IQGAP1: variants seen among roughly 807,000 people sequenced by gnomAD.
The protein encoded by IQGAP1 is IQ motif containing GTPase activating protein 1, also known as ras GTPase-activating-like protein IQGAP1.
A neutral mutation model predicts 215.6 loss-of-function variants in IQGAP1; 66 were observed. The ratio of observed to expected loss-of-function variants is 0.31; its 90% confidence interval spans 0.25 to 0.38. The LOEUF (loss-of-function observed/expected upper bound fraction) is 0.38. IQGAP1 is among the 10% of genes least tolerant of loss of function. IQGAP1 has a pLI of 1.00. For missense variants in IQGAP1, 1,712 were observed against 1,997.1 expected (o/e 0.86, Z 2.72); for synonymous variants, 772 against 728.7 (o/e 1.06, Z -0.96).
At chr15:90,456,859 G>A (rs1183187326) in intron 15 of IQGAP1, among the ~76,000 whole-genome samples, 1 of 150,080 alleles carries the variant, frequency 6.7e-6, no homozygotes, top group Non-Finnish European at 1.5e-5. Context: ...CTGCACTCCA[G>A]TCTGGGGGAC....
intron 14 of IQGAP1, among the ~76,000 whole-genome samples, chr15:90,455,305 G>A (rs979473768): frequency 6.6e-6 from 1 of 152,134 alleles, no homozygotes; most frequent in African/African-American, 2.4e-5. Context: ...GAGAATGGGA[G>A]GCCAGGCTGG....
intron 2 of IQGAP1, among the ~76,000 whole-genome samples, chr15:90,404,995 T>C (rs1038059216): frequency 6.6e-6 from 1 of 152,244 alleles, no homozygotes; most frequent in Non-Finnish European, 1.5e-5. Context: ...AAGAGTCTTA[T>C]CTATACTGAG....
chr15:90,484,134 A>C, intron 29 of IQGAP1, 86 bp from the exon 30 acceptor site: 3 of 1,205,898 alleles, frequency 2.5e-6, no homozygotes, highest in Non-Finnish European at 3.6e-6. Context: ...GTTTGCACTC[A>C]TTGTGTGAGA....
chr15:90,472,185 G>A (rs1188246639), intron 18 of IQGAP1, among the ~76,000 whole-genome samples: 1 of 152,198 alleles, frequency 6.6e-6, no homozygotes, highest in Admixed American at 6.5e-5. Context: ...TGAGGTGGGA[G>A]GATTGCTTGA....
At chr15:90,491,129 TATC>T (rs748460071) in intron 33 of IQGAP1, among the ~76,000 whole-genome samples, 15 of 152,324 alleles carry the variant, frequency 9.8e-5, no homozygotes, top group Admixed American at 2.0e-4. Flanking sequence ...ATTTTGTAGA[TATC>T]ATCTCTTCTA....
intron 7 of IQGAP1, 28 bp downstream of exon 7, chr15:90,440,643 A>C: frequency 7.2e-7 from 1 of 1,386,898 alleles, no homozygotes; most frequent in Non-Finnish European, 1.0e-6. Flanking sequence ...TTGTGGGTTC[A>C]ACTGGGATTG....
chr15:90,415,091 A>G (rs1965026348), intron 2 of IQGAP1, among the ~76,000 whole-genome samples: 1 of 152,224 alleles, frequency 6.6e-6, no homozygotes, highest in South Asian at 2.1e-4. Flanking sequence ...CACACTGGAC[A>G]ACAATGTTAT....
chr15:90,495,546 T>C (rs147725471), intron 36 of IQGAP1, among the ~76,000 whole-genome samples: 1,717 of 152,104 alleles, frequency 0.011, 78 homozygotes, highest in East Asian at 0.079. Flanking sequence ...TGTATTTTTT[T>C]CTATTCACAT....
intron 5 of IQGAP1, among the ~76,000 whole-genome samples, chr15:90,434,818 G>A (rs1222465825): frequency 1.3e-5 from 2 of 152,144 alleles, no homozygotes; most frequent in Admixed American, 1.3e-4. Flanking sequence ...AGATTTTGGA[G>A]CATTTTGGAT....
At chr15:90,389,463 C>T (rs1964603871) in intron 1 of IQGAP1, among the ~76,000 whole-genome samples, 1 of 151,330 alleles carries the variant, frequency 6.6e-6, no homozygotes, top group Non-Finnish European at 1.5e-5. Context: ...CTCCTGCAGT[C>T]TCCCGAGTAC....
chr15:90,427,102 C>CA lies in IQGAP1; in HGVS notation c.312+847dup, dbSNP rs34625303. ...GGCAATATAATGAGACCCTGTCTTACAAAAAAAAAAATTAGCCAGACATGG... is the reference window on the plus strand; with the variant it reads ...GGCAATATAATGAGACCCTGTCTTACAAAAAAAAAAAATTAGCCAGACATGG... On this transcript the variant is annotated intron_variant, in intron 3 of 37. Coordinates refer to ENST00000268182, the MANE Select transcript of IQGAP1 (RefSeq NM_003870.4). Among the ~76,000 whole-genome samples the CA allele has an allele frequency of 9.7e-3, 1,411 of 145,528 alleles. 38 individuals are homozygous for CA. The East Asian group carries it at 0.11, about 11-fold the overall frequency.
intron 31 of IQGAP1, 59 bp downstream of exon 31, chr15:90,486,191 A>G: frequency 8.7e-7 from 1 of 1,148,174 alleles, no homozygotes; most frequent in Non-Finnish European, 1.3e-6. Flanking sequence ...AAGTGTTGTA[A>G]TTGTCACCTC....
chr15:90,484,430 C>T, intron 30 of IQGAP1, 78 bp downstream of exon 30: 1 of 1,215,654 alleles, frequency 8.2e-7, no homozygotes, highest in Non-Finnish European at 1.2e-6. Context: ...TCTCTGGTAG[C>T]CAGGTGTCTA....
chr15:90,418,794 T>C (rs1471814816), intron 2 of IQGAP1, among the ~76,000 whole-genome samples: 1 of 152,124 alleles, frequency 6.6e-6, no homozygotes, highest in Non-Finnish European at 1.5e-5. Flanking sequence ...TGTAAGGGAA[T>C]GTTCAGTAGG....
At chr15:90,442,372 A>G (rs989908180) in intron 8 of IQGAP1, among the ~76,000 whole-genome samples, 1 of 151,664 alleles carries the variant, frequency 6.6e-6, no homozygotes, top group Non-Finnish European at 1.5e-5. Context: ...AGCAGAATCT[A>G]TTGAACCTGG....
chr15:90,396,062 G>C (rs10220750), intron 2 of IQGAP1, among the ~76,000 whole-genome samples: 22,981 of 152,224 alleles, frequency 0.15, 1,968 homozygotes, highest in South Asian at 0.23. Context: ...ACGGTGATAA[G>C]TCGAGCTTAG....
chr15:90,395,865 G>A (rs1251837575), intron 2 of IQGAP1, among the ~76,000 whole-genome samples: 2 of 152,210 alleles, frequency 1.3e-5, no homozygotes, highest in Non-Finnish European at 2.9e-5. Context: ...TAGGTTAAAG[G>A]TCACAGGAAG....
chr15:90,423,814 T>A (rs1965182551), intron 2 of IQGAP1, among the ~76,000 whole-genome samples: 1 of 152,214 alleles, frequency 6.6e-6, no homozygotes, highest in African/African-American at 2.4e-5. Flanking sequence ...CAGGACTGTT[T>A]TATAGCAGTT....
chr15:90,417,033 C>T (rs1414014386), intron 2 of IQGAP1, among the ~76,000 whole-genome samples: 4 of 152,162 alleles, frequency 2.6e-5, no homozygotes, highest in Non-Finnish European at 5.9e-5. Context: ...CTGTTCATAT[C>T]CTTCCCCTAC....
Sources: allele counts gnomAD v4.1 joint callset (sites outside exome capture counted in the v4.1 genomes callset), GRCh38; gene constraint gnomAD v4.1.1; transcripts MANE v1.5; gene names NCBI Gene and HGNC (gene_info 2026-07-23, HGNC 2026-07-21).